The following CTNNA3 variants were observed in gnomAD, a reference collection of about 807,000 sequenced individuals.
The protein encoded by CTNNA3 is catenin alpha 3, also known as catenin alpha-3.
A neutral mutation model predicts 95.7 loss-of-function variants in CTNNA3; 76 were observed. The ratio of observed to expected loss-of-function variants is 0.79; its 90% CI spans 0.66 to 0.96. The LOEUF (loss-of-function observed/expected upper bound fraction) is 0.96, where lower values mean the gene tolerates loss of function less well. CTNNA3 is among the 40% of genes least tolerant of loss of function. The pLI, the probability that CTNNA3 is intolerant of heterozygous loss-of-function variation, is 0.00. For missense variants in CTNNA3, 1,191 were observed against 1,089.8 expected (o/e 1.09, Z -1.31); for synonymous variants, 431 against 374.4 (o/e 1.15, Z -1.74).
chr10:66,934,598 T>G (rs1847588338), intron 7 of CTNNA3, among the ~76,000 whole-genome samples: 1 of 152,176 alleles, frequency 6.6e-6, no homozygotes, highest in Non-Finnish European at 1.5e-5. Flanking sequence ...TGAATTACAG[T>G]CTTACAAAGT....
rs1300587041 is a variant in CTNNA3, at chr10:67,019,332, C to A, written c.1047+160985G>T. Among the ~76,000 whole-genome samples the A allele has an allele frequency of 4.6e-5, 7 of 152,176 alleles. No individual in the cohort carries two copies. In the East Asian group the frequency reaches 1.3e-3, roughly 29 times the overall value. On this transcript the variant is annotated intron_variant, in intron 7 of 17. Coordinates refer to ENST00000433211, the MANE Select transcript of CTNNA3 (RefSeq NM_013266.4). ...CTTCCGGGTCCAAGCGCTTCTCCTG[C>A]CTCACCCTCCCAAGTAGCTGGGATT...
intron 11 of CTNNA3, among the ~76,000 whole-genome samples, chr10:66,404,726 G>A (rs536416880): frequency 4.6e-5 from 7 of 151,806 alleles, no homozygotes; most frequent in Admixed American, 1.3e-4. Flanking sequence ...TGAATGTGGT[G>A]TAGTTCAACA....
chr10:66,425,700 A>G (rs12777167), intron 11 of CTNNA3, among the ~76,000 whole-genome samples: 57,146 of 151,578 alleles, frequency 0.38, 11,304 homozygotes, highest in African/African-American at 0.5. Flanking sequence ...ACACACACAC[A>G]TATATACACA....
chr10:67,469,275 A>G (rs1847724818), intron 5 of CTNNA3, among the ~76,000 whole-genome samples: 1 of 152,144 alleles, frequency 6.6e-6, no homozygotes, highest in Non-Finnish European at 1.5e-5. Context: ...AAGTCCTAAC[A>G]CCCTTAAAAA....
intron 12 of CTNNA3, among the ~76,000 whole-genome samples, chr10:66,368,349 GA>G (rs985531752): frequency 6.6e-6 from 1 of 151,940 alleles, no homozygotes; most frequent in African/African-American, 2.4e-5. Flanking sequence ...AGTTTAGATA[GA>G]GGCTTTTGCT....
chr10:65,992,498 T>A (rs1182057037), intron 15 of CTNNA3, among the ~76,000 whole-genome samples: 2 of 40,272 alleles, frequency 5.0e-5, no homozygotes, highest in African/African-American at 2.5e-4. Context: ...CAGGAATTTA[T>A]TCATTTCCCC....
At chr10:66,483,784 C>G (rs935657296) in intron 11 of CTNNA3, among the ~76,000 whole-genome samples, 1 of 152,090 alleles carries the variant, frequency 6.6e-6, no homozygotes, top group Non-Finnish European at 1.5e-5. Context: ...CTCATCCCCA[C>G]TCACCCTTAG....
At chr10:67,026,842 C>G (rs1853421660) in intron 7 of CTNNA3, among the ~76,000 whole-genome samples, 1 of 152,068 alleles carries the variant, frequency 6.6e-6, no homozygotes, top group East Asian at 1.9e-4. Flanking sequence ...GTTCAGAAAC[C>G]TAAAATCTAC....
chr10:66,319,939 A>G (rs1426974653), intron 12 of CTNNA3, among the ~76,000 whole-genome samples: 3 of 152,068 alleles, frequency 2.0e-5, no homozygotes. Context: ...ATACTGAGAG[A>G]AAACTATTTA....
chr10:67,577,054 T>A (rs1387870715), intron 3 of CTNNA3, among the ~76,000 whole-genome samples: 3 of 150,940 alleles, frequency 2.0e-5, no homozygotes, highest in Non-Finnish European at 4.4e-5. Context: ...TTTATAGTCC[T>A]TTGGGTATAT....
chr10:66,573,580 T>C (rs1842928767), intron 10 of CTNNA3, among the ~76,000 whole-genome samples: 1 of 152,188 alleles, frequency 6.6e-6, no homozygotes, highest in Non-Finnish European at 1.5e-5. Flanking sequence ...TCTTTATGGC[T>C]TATTCTATTG....
intron 11 of CTNNA3, among the ~76,000 whole-genome samples, chr10:66,383,915 C>A (rs901667074): frequency 2.6e-5 from 4 of 152,186 alleles, no homozygotes; most frequent in Non-Finnish European, 4.4e-5. Context: ...TTGTCACCAT[C>A]AGGCCTGCCT....
At chr10:66,426,460 T>C (rs2093242161) in intron 11 of CTNNA3, among the ~76,000 whole-genome samples, 1 of 152,228 alleles carries the variant, frequency 6.6e-6, no homozygotes, top group East Asian at 1.9e-4. Context: ...ATTTGTGGAT[T>C]GTAAACTCCT....
chr10:67,520,088 T>C (rs908813861), intron 5 of CTNNA3, among the ~76,000 whole-genome samples: 1 of 152,180 alleles, frequency 6.6e-6, no homozygotes, highest in Non-Finnish European at 1.5e-5. Flanking sequence ...TTCTCATCTG[T>C]AAAATGGTGC....
At chr10:66,561,471 A>G (rs959707454) in intron 10 of CTNNA3, among the ~76,000 whole-genome samples, 1 of 152,156 alleles carries the variant, frequency 6.6e-6, no homozygotes, top group Non-Finnish European at 1.5e-5. Context: ...TATCGGATAC[A>G]TTAATAAACT....
rs543103878 is a variant in CTNNA3, at chr10:67,535,352, G to A, written c.459+4151C>T. On this transcript the variant is annotated intron_variant, in intron 4 of 17. Transcript: ENST00000433211. ...TGAATAAATTTGAAAATGATATCAG[G>A]TTAGGAAAGGAAGACAAAATCGAGA... 3.3e-5 allele frequency among the ~76,000 whole-genome samples: 5 copies of A among 152,082 alleles called. No individual in the cohort carries two copies. The South Asian group carries it at 8.3e-4, about 25-fold the overall frequency.
intron 5 of CTNNA3, among the ~76,000 whole-genome samples, chr10:67,404,682 C>T (rs1845066481): frequency 6.6e-6 from 1 of 152,104 alleles, no homozygotes; most frequent in Admixed American, 6.5e-5. Flanking sequence ...CAGAAGCCAA[C>T]ATTCAAATTC....
intron 1 of CTNNA3, among the ~76,000 whole-genome samples, chr10:67,728,793 G>T (rs1841258874): frequency 6.6e-6 from 1 of 152,024 alleles, no homozygotes; most frequent in Non-Finnish European, 1.5e-5. Flanking sequence ...AGCTAGATTT[G>T]TTAGGTCGGA....
intron 7 of CTNNA3, among the ~76,000 whole-genome samples, chr10:67,068,300 T>C (rs1332034517): frequency 2.0e-5 from 3 of 152,082 alleles, no homozygotes; most frequent in Non-Finnish European, 4.4e-5. Context: ...AAAACACATA[T>C]AGATGGTGAC....
Sources: gnomAD v4.1 joint callset for allele counts (sites outside exome capture counted in the v4.1 genomes callset) on GRCh38, gnomAD v4.1.1 for gene constraint, MANE v1.5 for transcripts, NCBI Gene and HGNC (gene_info 2026-07-23, HGNC 2026-07-21) for gene names.